C12orf76: variants seen among roughly 807,000 people sequenced by gnomAD.
C12orf76 encodes chromosome 12 open reading frame 76.
A neutral mutation model predicts 6.8 loss-of-function variants in C12orf76; 6 were observed. That is an observed-to-expected ratio of 0.88 (90% CI 0.48 to 1.73). The LOEUF (loss-of-function observed/expected upper bound fraction) is 1.73. Ranked by LOEUF, C12orf76 falls within the 40% of genes most tolerant of loss-of-function variation. The probability of loss-of-function intolerance (pLI) is 0.01; values close to 1 mark genes in which losing one functional copy is unlikely to be tolerated. For missense variants in C12orf76, 99 were observed against 98.2 expected, an observed-to-expected ratio of 1.01 and a Z score of -0.03; for synonymous variants, 56 against 43.7, an observed-to-expected ratio of 1.28 and a Z score of -1.11.
At chr12:110,055,606 A>C (rs1892654574) in intron 4 of C12orf76, among the ~76,000 whole-genome samples, 1 of 152,154 alleles carries the variant, frequency 6.6e-6, no homozygotes, top group African/African-American at 2.4e-5. Flanking sequence ...TTGCAATAGA[A>C]GAAGAGTAAT....
At chr12:110,050,362 C>G (rs1365375056), upstream of C12orf76, 2 of 153,056 alleles carry the variant, frequency 1.3e-5, no homozygotes, top group Non-Finnish European at 2.9e-5. Context: ...GCGTGTGAAC[C>G]AGAGCAACTC....
At position 110,048,503 on chromosome 12, in the gene C12orf76, A is replaced by G; in HGVS notation, c.-8T>C. ...TAACGCTGGACGCAGCATCTTCCCC[A>G]GCCCTGCAGAAGCAGAGAGGCCACT... On this transcript the variant is annotated 5_prime_UTR_variant, in exon 1 of 2. Transcript: ENST00000615315. 4.2e-6 allele frequency: 6 copies of G among 1,419,988 alleles called. No homozygotes were observed. Among genetic ancestry groups the G allele is most frequent in the Non-Finnish European group, 5.5e-6 (6 of 1,087,714 alleles). The allele number at this position is 1,419,988 out of a possible 1,614,324, so 88.0% of individuals were successfully genotyped here.
chr12:110,054,400 C>G lies in C12orf76; in HGVS notation n.664+2789G>C, dbSNP rs1230794599. Among the ~76,000 whole-genome samples the G allele has an allele frequency of 1.3e-5, 2 of 152,134 alleles. No individual in the cohort carries two copies. The highest frequency in any genetic ancestry group is 4.8e-5 in the African/African-American group (2 of 41,436). ...AGGGTACTCATACATGCTATTACAT[C>G]GATGAACCTTGAAAACATTATGTCT... On this transcript the variant is annotated intron_variant and non_coding_transcript_variant, in intron 4 of 4. Coordinates refer to the C12orf76 transcript ENST00000309050. The surrounding 1 kb of genome is among the most constrained non-coding windows in gnomAD (Gnocchi z 4.4).
rs999100585 is a variant in C12orf76 at position 110,041,994 on chromosome 12, TCTC to T, written c.*377_*379del. On this transcript the variant is annotated 3_prime_UTR_variant, in exon 2 of 2. Coordinates refer to ENST00000615315, the MANE Select transcript of C12orf76 (RefSeq NM_001389625.1). ...AAATAGGGAATGTCTGCATGGTAAG[TCTC>T]CTTCTTAATAACATTTTCAAGCATT... 3.4e-4 allele frequency: 67 copies of T among 197,650 alleles called. No homozygotes were observed. Among genetic ancestry groups the T allele is most frequent in the African/African-American group, 1.5e-3 (63 of 43,350 alleles). 12.2% of individuals were successfully genotyped at this position (197,650 alleles called of 1,614,324 possible).
upstream of C12orf76, among the ~76,000 whole-genome samples, chr12:110,053,802 G>T (rs147844002): frequency 1.3e-5 from 2 of 152,232 alleles, no homozygotes; most frequent in African/African-American, 4.8e-5. Context: ...GGATGCTTTG[G>T]GCCAGGCGCG....
upstream of C12orf76, among the ~76,000 whole-genome samples, chr12:110,068,269 AAG>A (rs1491363284): frequency 8.0e-6 from 1 of 124,836 alleles, no homozygotes; most frequent in Admixed American, 8.1e-5. Flanking sequence ...GAAGAAGAAG[AAG>A]AAGAAGAAGA....
chr12:110,045,375 C>G (rs748762536), intron 1 of C12orf76, among the ~76,000 whole-genome samples: 3 of 151,574 alleles, frequency 2.0e-5, no homozygotes, highest in Non-Finnish European at 4.4e-5. Flanking sequence ...ATCACAAGAT[C>G]AGGAGATCGA....
At chr12:110,056,956 A>C in intron 4 of C12orf76, 2 of 510,498 alleles carry the variant, frequency 3.9e-6, no homozygotes, top group Non-Finnish European at 7.0e-6. Context: ...TGTCTTTATT[A>C]GCAGCATGAG....
At chr12:110,047,365 T>G (rs1044781557) in intron 1 of C12orf76, among the ~76,000 whole-genome samples, 3 of 152,210 alleles carry the variant, frequency 2.0e-5, no homozygotes, top group Non-Finnish European at 4.4e-5. Flanking sequence ...TAACTTCACT[T>G]CTCTGAGTTT....
chr12:110,072,365 A>G (rs2137244434), upstream of C12orf76, among the ~76,000 whole-genome samples: 1 of 152,334 alleles, frequency 6.6e-6, no homozygotes, highest in East Asian at 1.9e-4. Context: ...ACAAAGGACC[A>G]CATATTGTGT....
chr12:110,062,291 T>G (rs190428689), intron 2 of C12orf76, among the ~76,000 whole-genome samples: 8 of 152,176 alleles, frequency 5.3e-5, no homozygotes, highest in African/African-American at 1.9e-4. Context: ...AGTATTGTAT[T>G]CGGCAGGGTT....
At chr12:110,042,908 A>G (rs905848672) in intron 1 of C12orf76, among the ~76,000 whole-genome samples, 3 of 151,844 alleles carry the variant, frequency 2.0e-5, no homozygotes, top group African/African-American at 7.3e-5. Flanking sequence ...AAATACAAAA[A>G]TTGGCCAGGT....
chr12:110,067,501 C>G, exon 1 of C12orf76: 2 of 985,426 alleles, frequency 2.0e-6, no homozygotes, highest in Non-Finnish European at 2.4e-6. Context: ...CTCCTCACTT[C>G]CTTTTCCCAT....
intron 2 of C12orf76, among the ~76,000 whole-genome samples, chr12:110,059,945 T>C (rs1432199124): frequency 6.6e-6 from 1 of 152,194 alleles, no homozygotes; most frequent in Non-Finnish European, 1.5e-5. Flanking sequence ...AGAACAAGCT[T>C]TCCTTGTGGT....
upstream of C12orf76, among the ~76,000 whole-genome samples, chr12:110,068,399 AC>A (rs1262323155): frequency 6.6e-6 from 1 of 152,080 alleles, no homozygotes; most frequent in Non-Finnish European, 1.5e-5. Context: ...CATAGTGTGA[AC>A]CCTTATCTTC....
chr12:110,072,585 TA>T (rs1467275475), upstream of C12orf76, among the ~76,000 whole-genome samples: 1 of 152,006 alleles, frequency 6.6e-6, no homozygotes, highest in Non-Finnish European at 1.5e-5. Context: ...CATTAAATTG[TA>T]CCCTTAAATG....
rs1310020326 is a variant in C12orf76, at chr12:110,042,021, TTAA to T, written c.*350_*352del. 4.1e-6 allele frequency: 1 copy of T among 244,376 alleles called. No individual in the cohort carries two copies. The highest frequency in any genetic ancestry group is 8.0e-6 in the Non-Finnish European group (1 of 125,206). 15.1% of individuals were successfully genotyped at this position (244,376 alleles called of 1,614,324 possible). On this transcript the variant is annotated 3_prime_UTR_variant, in exon 2 of 2. Transcript: ENST00000615315. The stretch of plus-strand genomic sequence containing the variant: ...TCCTTCTTAATAACATTTTCAAGCA[TTAA>T]TGATGAGTTCTTTACAGTGTGGTTC...
In C12orf76 at chr12:110,048,512, G is replaced by A. The variant is rs1407672702; in HGVS notation, c.-17C>T. 1 of 1,403,560 alleles carries A rather than the reference G, an allele frequency of 7.1e-7. No homozygotes were observed. Among genetic ancestry groups the A allele is most frequent in the Non-Finnish European group, 9.3e-7 (1 of 1,080,164 alleles). The allele number at this position is 1,403,560 out of a possible 1,614,324, so 86.9% of individuals were successfully genotyped here. On this transcript the variant is annotated 5_prime_UTR_variant, in exon 1 of 2. Coordinates refer to ENST00000615315, the MANE Select transcript of C12orf76 (RefSeq NM_001389625.1). ...ACGCAGCATCTTCCCCAGCCCTGCA[G>A]AAGCAGAGAGGCCACTTCCGTCGCA...
At chr12:110,059,195 A>C in intron 2 of C12orf76, 1 of 1,533,640 alleles carries the variant, frequency 6.5e-7, no homozygotes, top group Non-Finnish European at 8.8e-7. Flanking sequence ...ACACACAATT[A>C]ATTTTTGTGT....
Sources: gnomAD v4.1 joint callset for allele counts (sites outside exome capture counted in the v4.1 genomes callset) on GRCh38, gnomAD v4.1.1 for gene constraint, Gnocchi (gnomAD v3.1) non-coding constraint, MANE v1.5 for transcripts, NCBI Gene and HGNC (gene_info 2026-07-23, HGNC 2026-07-21) for gene names.